The following UNC13C variants were observed in gnomAD, a reference collection of about 807,000 sequenced individuals.
The protein encoded by UNC13C is unc-13 homolog C.
In UNC13C, 174 loss-of-function variants were observed where a neutral mutation model predicts 245.4. That is an observed-to-expected ratio of 0.71 (90% CI 0.63 to 0.80). UNC13C has a LOEUF of 0.80. Ranked by LOEUF, UNC13C falls within the 30% of genes least tolerant of loss-of-function variation. UNC13C has a pLI of 0.00. For missense variants in UNC13C, 2,829 were observed against 2,602.9 expected (o/e 1.09, Z -1.89); for synonymous variants, 992 against 895.1 (o/e 1.11, Z -1.93).
the UNC13C span, among the ~76,000 whole-genome samples, chr15:53,969,972 T>C: frequency 1.3e-4 from 20 of 152,286 alleles, no homozygotes; most frequent in Middle Eastern, 3.4e-3. Context: ...TGTTTTTGTT[T>C]GTTTGTTTTA....
At chr15:53,966,367 C>T in the UNC13C span, among the ~76,000 whole-genome samples, 2 of 152,070 alleles carry the variant, frequency 1.3e-5, no homozygotes, top group Non-Finnish European at 2.9e-5. Flanking sequence ...CTATTTTATG[C>T]CAACATTTTT....
intron 2 of UNC13C, among the ~76,000 whole-genome samples, chr15:54,069,626 G>A (rs557699748): frequency 6.6e-6 from 1 of 152,176 alleles, no homozygotes; most frequent in South Asian, 2.1e-4. Context: ...ACTTGTCATG[G>A]GCCATGTACT....
intron 19 of UNC13C, among the ~76,000 whole-genome samples, chr15:54,457,641 A>G (rs914388415): frequency 1.3e-5 from 2 of 151,978 alleles, no homozygotes; most frequent in African/African-American, 4.8e-5. Context: ...CATATCCTCT[A>G]CGTTTTCCAG....
At chr15:53,978,107 A>C (rs938137062), upstream of UNC13C, among the ~76,000 whole-genome samples, 1 of 152,246 alleles carries the variant, frequency 6.6e-6, no homozygotes, top group Admixed American at 6.5e-5. Context: ...TAAAACAGTC[A>C]TTGTTGAATA....
intron 30 of UNC13C, among the ~76,000 whole-genome samples, chr15:54,581,479 G>A (rs1188333341): frequency 1.3e-5 from 2 of 152,210 alleles, no homozygotes; most frequent in Non-Finnish European, 2.9e-5. Context: ...CTCTCCTCCT[G>A]GCTTGCAGAC....
the UNC13C span, among the ~76,000 whole-genome samples, chr15:53,865,455 T>C: frequency 6.6e-6 from 1 of 152,200 alleles, no homozygotes; most frequent in Non-Finnish European, 1.5e-5. Context: ...CTTTTTTGTG[T>C]GCATGAGCCC....
the UNC13C span, among the ~76,000 whole-genome samples, chr15:53,899,170 A>G: frequency 6.6e-6 from 1 of 152,160 alleles, no homozygotes; most frequent in Non-Finnish European, 1.5e-5. Context: ...ACACTATTGC[A>G]CTTATTTATG....
At chr15:54,173,179 C>A (rs2033481312) in intron 4 of UNC13C, among the ~76,000 whole-genome samples, 1 of 151,978 alleles carries the variant, frequency 6.6e-6, no homozygotes, top group African/African-American at 2.4e-5. Flanking sequence ...ATTTTGTTAT[C>A]TTTTTACAAG....
the UNC13C span, among the ~76,000 whole-genome samples, chr15:53,957,473 G>T: frequency 1.3e-5 from 2 of 152,118 alleles, no homozygotes; most frequent in Non-Finnish European, 2.9e-5. Flanking sequence ...AAAGGCAGTG[G>T]TTCCATTTCT....
intron 2 of UNC13C, among the ~76,000 whole-genome samples, chr15:54,067,783 A>G (rs911903184): frequency 6.6e-6 from 1 of 152,204 alleles, no homozygotes; most frequent in African/African-American, 2.4e-5. Context: ...CCTGATTAGA[A>G]TGAAGATAAC....
chr15:54,100,005 T>C (rs1339909734), intron 2 of UNC13C, among the ~76,000 whole-genome samples: 1 of 148,824 alleles, frequency 6.7e-6, no homozygotes, highest in Admixed American at 6.9e-5. Context: ...GAGGCTGGGG[T>C]ATGAGAATTA....
intron 4 of UNC13C, among the ~76,000 whole-genome samples, chr15:54,203,198 G>C (rs1287132124): frequency 1.3e-5 from 2 of 151,936 alleles, no homozygotes; most frequent in East Asian, 3.9e-4. Flanking sequence ...TGGGGATGCA[G>C]TGAAAAGGGA....
chr15:53,843,391 G>A, the UNC13C span, among the ~76,000 whole-genome samples: 1 of 152,038 alleles, frequency 6.6e-6, no homozygotes, highest in African/African-American at 2.4e-5. Flanking sequence ...GAGCCCAGGA[G>A]GCAGAAGTTG....
At chr15:53,840,454 G>A in the UNC13C span, among the ~76,000 whole-genome samples, 1 of 152,012 alleles carries the variant, frequency 6.6e-6, no homozygotes, top group Admixed American at 6.6e-5. Flanking sequence ...AGCAAAACTA[G>A]AGTCATAATA....
chr15:54,408,215 A>AAAAAAC (rs1567246313), intron 18 of UNC13C, among the ~76,000 whole-genome samples: 2 of 148,440 alleles, frequency 1.3e-5, no homozygotes, highest in African/African-American at 4.9e-5. Flanking sequence ...AAAAAAAAAA[A>AAAAAAC]AAAAAAAAAA....
intron 2 of UNC13C, among the ~76,000 whole-genome samples, chr15:54,104,745 G>T (rs1900348553): frequency 6.6e-6 from 1 of 151,582 alleles, no homozygotes; most frequent in East Asian, 1.9e-4. Flanking sequence ...GGTTCATCTG[G>T]GTTTTGATTT....
Position 54,236,329 on chromosome 15 carries a change from T to G in UNC13C, c.3151-101T>G. 1.0e-5 allele frequency: 9 copies of G among 886,670 alleles called. No homozygotes were observed. The Middle Eastern group carries it at 1.0e-3, about 100-fold the overall frequency. The allele number at this position is 886,670 out of a possible 1,614,324, so 54.9% of individuals were successfully genotyped here. A position where few individuals can be genotyped will look rare whatever the true frequency, so the allele number is the denominator to read the frequency against. On this transcript the variant is annotated intron_variant, in intron 5 of 32. Coordinates refer to ENST00000260323, the MANE Select transcript of UNC13C (RefSeq NM_001080534.3). ...TTCTGTCTTCACTATGTGGAAATAA[T>G]TGTAAAGTGTTAGGCTAATTTAACA... is the stretch of plus-strand genomic sequence containing the variant.
intron 2 of UNC13C, among the ~76,000 whole-genome samples, chr15:54,108,058 C>T (rs1283805193): frequency 6.6e-6 from 1 of 152,092 alleles, no homozygotes; most frequent in African/African-American, 2.4e-5. Flanking sequence ...AAGTGTCTAA[C>T]AATATACAAG....
intron 2 of UNC13C, among the ~76,000 whole-genome samples, chr15:54,078,496 A>AT (rs941394652): frequency 2.7e-4 from 41 of 151,170 alleles, no homozygotes; most frequent in African/African-American, 6.8e-4. Flanking sequence ...TTTGCCAACA[A>AT]TTTTTTTTTA....
Sources: gnomAD v4.1 joint callset for allele counts (sites outside exome capture counted in the v4.1 genomes callset) on GRCh38, gnomAD v4.1.1 for gene constraint, MANE v1.5 for transcripts, NCBI Gene and HGNC (gene_info 2026-07-23, HGNC 2026-07-21) for gene names.